Variants in LSM8 observed in about 807,000 individuals in gnomAD.
The protein encoded by LSM8 is LSM8 U6 small nuclear RNA associated.
A neutral mutation model predicts 15.0 loss-of-function variants in LSM8; 14 were observed. The observed-to-expected ratio is 0.93, with a 90% confidence interval of 0.62 to 1.46. The LOEUF (loss-of-function observed/expected upper bound fraction) is 1.46. Ranked by LOEUF, LSM8 falls within the 40% of genes most tolerant of loss-of-function variation. The pLI is 0.00. For synonymous variants in LSM8, 50 were observed against 42.1 expected (o/e 1.19, Z -0.73); for missense variants, 90 against 115.4 (o/e 0.78, Z 1.01).
Position 118,198,226 on chromosome 7 carries a change from A to AT in LSM8, c.*6226dup, listed in dbSNP as rs778089578. ...GAAAGGAGCAACCAGAGTCAAAGTG[A>AT]TTAAGTTATAAAAAGGTTAGATTTC... On this transcript the variant is annotated 3_prime_UTR_variant, in exon 4 of 4. Transcript: ENST00000249299. Among the ~76,000 whole-genome samples, 150 of 152,328 alleles carry AT rather than the reference A, an allele frequency of 9.8e-4. 1 individual carries two copies. In the Middle Eastern group the frequency reaches 0.01, roughly 10 times the overall value.
At chr7:118,188,554 T>TACACAAACA in intron 3 of LSM8, 149 bp downstream of exon 3, 1 of 692,254 alleles carries the variant, frequency 1.4e-6, no homozygotes, top group Non-Finnish European at 2.2e-6. Flanking sequence ...TTTCTTATGT[T>TACACAAACA]TGTGTAAAAT....
At chr7:118,184,283 G>C in intron 1 of LSM8, 29 bp downstream of exon 1, 1 of 1,470,128 alleles carries the variant, frequency 6.8e-7, no homozygotes, top group Non-Finnish European at 9.1e-7. Flanking sequence ...CCGCGGGCGT[G>C]AGCCGGGGTC....
At position 118,184,177 on chromosome 7, in the gene LSM8, T is replaced by A. The variant is rs760347550; in HGVS notation, c.-47T>A. On this transcript the variant is annotated 5_prime_UTR_variant, in exon 1 of 4. It adds an upstream start codon to the 5' untranslated region. Coordinates refer to ENST00000249299, the MANE Select transcript of LSM8 (RefSeq NM_016200.5). ...TTCTGGCGCGCCCTTTCAGTTCTGC[T>A]TGCTGTCGGCACCGCTGCGTTACCC... The A allele has an allele frequency of 6.5e-7, 1 of 1,544,466 alleles. No individual in the cohort carries two copies. The highest frequency in any genetic ancestry group is 8.7e-7 in the Non-Finnish European group (1 of 1,143,938).
rs1452837305 is a variant in LSM8 at position 118,201,694 on chromosome 7, A to G, written c.*9692A>G. ...TAAAAATGAGTTTATCCTTGCCCTA[A>G]AGCTGTAAAATTAAACTCTGTACAA... On this transcript the variant is annotated 3_prime_UTR_variant, in exon 4 of 4. Transcript: ENST00000249299. 1.3e-5 allele frequency among the ~76,000 whole-genome samples: 2 copies of G among 152,084 alleles called. No homozygotes were observed. Among genetic ancestry groups the G allele is most frequent in the Non-Finnish European group, 1.5e-5 (1 of 67,984 alleles).
intron 3 of LSM8, 180 bp downstream of exon 3, chr7:118,188,585 A>G: frequency 2.0e-6 from 1 of 501,808 alleles, no homozygotes; most frequent in Non-Finnish European, 3.3e-6. Context: ...TATACATTTT[A>G]TGTCAGCACT....
chr7:118,191,648 C>T, intron 3 of LSM8: 1 of 315,898 alleles, frequency 3.2e-6, no homozygotes, highest in Non-Finnish European at 5.8e-6. Flanking sequence ...ATTCATGATA[C>T]AATCACTGTG....
At chr7:118,188,250 C>T (rs748642412) in intron 2 of LSM8, 28 bp from the exon 3 acceptor site, 1 of 1,609,576 alleles carries the variant, frequency 6.2e-7, no homozygotes, top group Non-Finnish European at 8.5e-7. Flanking sequence ...GAATATTTCT[C>T]TTTTTCTCCT....
rs1250719591 is a variant in LSM8 at position 118,202,111 on chromosome 7, T to G, written c.*10109T>G. ...TGGCTGACTGCCTCATCAATGCTATTTAATAACAGAATTCTGGGGATGTCT... is the reference window on the plus strand; with the variant it reads ...TGGCTGACTGCCTCATCAATGCTATGTAATAACAGAATTCTGGGGATGTCT... On this transcript the variant is annotated 3_prime_UTR_variant, in exon 4 of 4. Coordinates refer to ENST00000249299, the MANE Select transcript of LSM8 (RefSeq NM_016200.5). Among the ~76,000 whole-genome samples the G allele has an allele frequency of 6.6e-6, 1 of 152,108 alleles. No homozygotes were observed. Among genetic ancestry groups the G allele is most frequent in the Admixed American group, 6.6e-5 (1 of 15,240 alleles).
rs145158835 is a variant in LSM8 at position 118,199,397 on chromosome 7, C to A, written c.*7395C>A. On this transcript the variant is annotated 3_prime_UTR_variant, in exon 4 of 4. Transcript: ENST00000249299. ...GTTTAAGGGAACATGAATTTGGATG[C>A]ATTGAACAGAATTGGTAACCTGAAG... 1.5e-3 allele frequency among the ~76,000 whole-genome samples: 227 copies of A among 152,224 alleles called. 1 individual carries two copies. Among genetic ancestry groups the A allele is most frequent in the African/African-American group, 5.2e-3 (218 of 41,558 alleles).
At position 118,202,566 on chromosome 7, in the gene LSM8, A is replaced by G. The variant is rs530970362; in HGVS notation, c.*10564A>G. Among the ~76,000 whole-genome samples, 4 of 152,082 alleles carry G rather than the reference A, an allele frequency of 2.6e-5. No homozygotes were observed. Among genetic ancestry groups the G allele is most frequent in the Non-Finnish European group, 5.9e-5 (4 of 67,972 alleles). Reference sequence around the variant, plus strand: ...AATAAATGCTTTCCCAACTATAACCAGCAGACTATACTGGCAAAATATACT... The same window carrying G: ...AATAAATGCTTTCCCAACTATAACCGGCAGACTATACTGGCAAAATATACT... On this transcript the variant is annotated 3_prime_UTR_variant, in exon 4 of 4. Transcript: ENST00000249299.
Position 118,191,991 on chromosome 7 carries a change from G to A in LSM8, c.280G>A (p.Val94Ile), listed in dbSNP as rs776524168. 6.2e-7 allele frequency: 1 copy of A among 1,606,820 alleles called. No individual in the cohort carries two copies. The highest frequency in any genetic ancestry group is 8.5e-7 in the Non-Finnish European group (1 of 1,174,308). The change falls in exon 4 of 4, where the codon GTA (valine) becomes ATA (isoleucine). Residue 94 changes from valine to isoleucine, a missense_variant. Physicochemically the swap from Val to Ile is conservative, Grantham distance 29. Transcript: ENST00000249299. Reference protein sequence around the residue: ...GNIRAEPLNSVAH With the variant: ...GNIRAEPLNSIAH ...TATTCGAGCAGAACCTTTAAATTCT[G>A]TAGCACACTGAGGAAAAACTACATA...
Position 118,196,509 on chromosome 7 carries a change from T to G in LSM8, c.*4507T>G, listed in dbSNP as rs1809079091. The stretch of plus-strand genomic sequence containing the variant: ...GAGAATTTCTTTCATTAGTTAACAG[T>G]ATGCCATCTCCTACTTACTGGCATC... On this transcript the variant is annotated 3_prime_UTR_variant, in exon 4 of 4. Coordinates refer to ENST00000249299, the MANE Select transcript of LSM8 (RefSeq NM_016200.5). 6.6e-6 allele frequency among the ~76,000 whole-genome samples: 1 copy of G among 150,780 alleles called. No homozygotes were observed. Among genetic ancestry groups the G allele is most frequent in the Non-Finnish European group, 1.5e-5 (1 of 67,646 alleles).
intron 3 of LSM8, chr7:118,190,011 C>G (rs1808952591): frequency 1.3e-5 from 2 of 152,154 alleles, no homozygotes; most frequent in Non-Finnish European, 2.9e-5. Flanking sequence ...GTGAGTACTA[C>G]ACTGAATCAA....
rs550941611 is a variant in LSM8, at chr7:118,198,666, A to T, written c.*6664A>T. On this transcript the variant is annotated 3_prime_UTR_variant, in exon 4 of 4. Coordinates refer to ENST00000249299, the MANE Select transcript of LSM8 (RefSeq NM_016200.5). ...TCCATAGATGGTTAGGAAAACTTCA[A>T]ATTGGCAGACAGGAAGGCAAGAAGG... Among the ~76,000 whole-genome samples, 3 of 152,314 alleles carry T rather than the reference A, an allele frequency of 2.0e-5. No homozygotes were observed. The East Asian group carries it at 5.8e-4, about 29-fold the overall frequency.
In LSM8 at chr7:118,200,703, C is replaced by A. The variant is rs1389483604; in HGVS notation, c.*8701C>A. Among the ~76,000 whole-genome samples the A allele has an allele frequency of 6.6e-6, 1 of 152,046 alleles. No individual in the cohort carries two copies. ...TCAAATTTAATTAATTGATAAATCA[C>A]ATTGTACTTTATAAGAGTTTATTCC... is the stretch of plus-strand genomic sequence containing the variant. On this transcript the variant is annotated 3_prime_UTR_variant, in exon 4 of 4. Coordinates refer to ENST00000249299, the MANE Select transcript of LSM8 (RefSeq NM_016200.5).
In LSM8 at chr7:118,193,233, T is replaced by G. The variant is rs1809015241; in HGVS notation, c.*1231T>G. Among the ~76,000 whole-genome samples, 1 of 152,098 alleles carries G rather than the reference T, an allele frequency of 6.6e-6. No homozygotes were observed. The highest frequency in any genetic ancestry group is 6.6e-5 in the Admixed American group (1 of 15,264). The stretch of plus-strand genomic sequence containing the variant: ...CCATAGATAATACATAAATGAATAG[T>G]GGCTGTCTTCCAGTAAAACTTCATT... On this transcript the variant is annotated 3_prime_UTR_variant, in exon 4 of 4. Transcript: ENST00000249299.
In LSM8 at chr7:118,195,114, A is replaced by C. The variant is rs1809058228; in HGVS notation, c.*3112A>C. Among the ~76,000 whole-genome samples, 1 of 152,156 alleles carries C rather than the reference A, an allele frequency of 6.6e-6. No individual in the cohort carries two copies. Among genetic ancestry groups the C allele is most frequent in the South Asian group, 2.1e-4 (1 of 4,836 alleles). ...CTGCATTGTGGGCCGTTTTCATTAC[A>C]ATTACCTAAGGTGCTTTAAAAATTT... On this transcript the variant is annotated 3_prime_UTR_variant, in exon 4 of 4. Coordinates refer to ENST00000249299, the MANE Select transcript of LSM8 (RefSeq NM_016200.5).
chr7:118,196,770 G>A lies in LSM8; in HGVS notation c.*4768G>A, dbSNP rs953242078. Among the ~76,000 whole-genome samples, 11 of 144,454 alleles carry A rather than the reference G, an allele frequency of 7.6e-5. No individual in the cohort carries two copies. The highest frequency in any genetic ancestry group is 6.5e-4 in the South Asian group (3 of 4,636). The allele number at this position is 144,454 out of a possible 152,430, so 94.8% of individuals were successfully genotyped here. On this transcript the variant is annotated 3_prime_UTR_variant, in exon 4 of 4. Coordinates refer to ENST00000249299, the MANE Select transcript of LSM8 (RefSeq NM_016200.5). ...TTTTTGAGACACTTCTTGCTCTTTC[G>A]CCAGGCTGGAGTGCAGTGGTGCAAT...
intron 2 of LSM8, among the ~76,000 whole-genome samples, chr7:118,186,242 A>T (rs960836967): frequency 1.4e-4 from 21 of 152,326 alleles, no homozygotes; most frequent in African/African-American, 5.0e-4. Flanking sequence ...ATGTCATATA[A>T]CTAAGATAAA....
Sources: gnomAD v4.1 joint callset for allele counts (sites outside exome capture counted in the v4.1 genomes callset) on GRCh38, gnomAD v4.1.1 for gene constraint, MANE v1.5 for transcripts, NCBI Gene and HGNC (gene_info 2026-07-23, HGNC 2026-07-21) for gene names.